The following PTPRN2 variants were observed in gnomAD, a reference collection of about 807,000 sequenced individuals.
The protein encoded by PTPRN2 is receptor-type tyrosine-protein phosphatase N2.
PTPRN2 carries 74 observed loss-of-function variants against 118.8 expected under a neutral mutation model. The ratio of observed to expected loss-of-function variants is 0.62; its 90% CI spans 0.52 to 0.76. The LOEUF is 0.76. Among genes scored for constraint, PTPRN2 ranks in the 30% least tolerant of loss-of-function variants. PTPRN2 has a pLI of 0.00. For missense variants in PTPRN2, 1,481 were observed against 1,394.4 expected (o/e 1.06, Z -0.99); for synonymous variants, 641 against 608.0 (o/e 1.05, Z -0.80).
intron 22 of PTPRN2, 116 bp downstream of exon 22, chr7:157,548,830 G>T: frequency 2.8e-6 from 3 of 1,079,822 alleles, no homozygotes; most frequent in South Asian, 1.3e-5. Flanking sequence ...GGTCAGAGCA[G>T]AGCAATCGGT....
intron 10 of PTPRN2, among the ~76,000 whole-genome samples, chr7:158,104,731 C>A: frequency 6.7e-6 from 1 of 148,986 alleles, no homozygotes; most frequent in Non-Finnish European, 1.5e-5. Flanking sequence ...TCCATCCCAG[C>A]TCCATCCTCA....
chr7:158,568,593 A>G (rs1003748694), intron 1 of PTPRN2, among the ~76,000 whole-genome samples: 1 of 152,196 alleles, frequency 6.6e-6, no homozygotes, highest in African/African-American at 2.4e-5. Context: ...GATTTATAAC[A>G]AATACTCTAA....
intron 4 of PTPRN2, among the ~76,000 whole-genome samples, chr7:158,199,057 C>A (rs1170328954): frequency 6.6e-6 from 1 of 152,020 alleles, no homozygotes; most frequent in Non-Finnish European, 1.5e-5. Flanking sequence ...TTAGCATGTT[C>A]TCAAGTTCTC....
intron 12 of PTPRN2, among the ~76,000 whole-genome samples, chr7:157,698,484 G>A (rs1797915643): frequency 6.6e-6 from 1 of 152,238 alleles, no homozygotes; most frequent in Non-Finnish European, 1.5e-5. Context: ...ATGTGTTTCA[G>A]CAAACATTTC....
At position 157,969,526 on chromosome 7, in the gene PTPRN2, C is replaced by T. The variant is rs368860672; in HGVS notation, c.1724-70789G>A. ...TGAGTGGGGAGCTGGGAGGTGGTGG[C>T]AGGCTGGGTGCTGCCTGGGTTTCAT... is the stretch of plus-strand genomic sequence containing the variant. On this transcript the variant is annotated intron_variant, in intron 11 of 22. Coordinates refer to ENST00000389418, the MANE Select transcript of PTPRN2 (RefSeq NM_002847.5). Among the ~76,000 whole-genome samples, 33 of 152,248 alleles carry T rather than the reference C, an allele frequency of 2.2e-4. No homozygotes were observed. The East Asian group carries it at 4.4e-3, about 21-fold the overall frequency.
chr7:158,136,750 G>A, intron 7 of PTPRN2, 55 bp from the exon 8 acceptor site: 15 of 1,564,696 alleles, frequency 9.6e-6, no homozygotes, highest in Non-Finnish European at 1.2e-5. Flanking sequence ...ATCACAGGGT[G>A]CCACAGACAT....
At chr7:157,607,322 G>A (rs1012095904) in intron 15 of PTPRN2, among the ~76,000 whole-genome samples, 2 of 152,236 alleles carry the variant, frequency 1.3e-5, no homozygotes, top group African/African-American at 2.4e-5. Context: ...GCTGGGCTGG[G>A]CCCGGTGCTG....
At chr7:158,485,617 G>T (rs138319886) in intron 2 of PTPRN2, among the ~76,000 whole-genome samples, 1,385 of 128,888 alleles carry the variant, frequency 0.011, 92 homozygotes, top group African/African-American at 0.037. Context: ...CGCCCCGCCT[G>T]CTCGGCCACC....
At chr7:158,173,831 A>G (rs951383765) in intron 5 of PTPRN2, among the ~76,000 whole-genome samples, 1 of 152,236 alleles carries the variant, frequency 6.6e-6, no homozygotes, top group African/African-American at 2.4e-5. Flanking sequence ...CTGCAAGAAG[A>G]AAAATAAGGC....
At chr7:157,645,829 A>T (rs1483826263) in intron 14 of PTPRN2, among the ~76,000 whole-genome samples, 1 of 152,144 alleles carries the variant, frequency 6.6e-6, no homozygotes, top group African/African-American at 2.4e-5. Context: ...AGTGGCTGTA[A>T]TGTCTTCATG....
rs1823451516 is a variant in PTPRN2, at chr7:158,515,186, TA to T, written c.113-25402del. Among the ~76,000 whole-genome samples, 6 of 137,354 alleles carry T rather than the reference TA, an allele frequency of 4.4e-5. No homozygotes were observed. In the South Asian group the frequency reaches 1.5e-3, roughly 33 times the overall value. The allele number at this position is 137,354 out of a possible 152,430, so 90.1% of individuals were successfully genotyped here. On this transcript the variant is annotated intron_variant, in intron 1 of 22. Coordinates refer to ENST00000389418, the MANE Select transcript of PTPRN2 (RefSeq NM_002847.5). Reference sequence around the variant, plus strand: ...GCTGGTGTTTCCCTCTCAGTGAGTGTATTTTTTTTTTTTTTTTGAGGCAGTG... The same window carrying T: ...GCTGGTGTTTCCCTCTCAGTGAGTGTTTTTTTTTTTTTTTTTGAGGCAGTG...
intron 1 of PTPRN2, among the ~76,000 whole-genome samples, chr7:158,568,428 G>C (rs1039269764): frequency 2.0e-5 from 3 of 151,452 alleles, no homozygotes; most frequent in Non-Finnish European, 4.4e-5. Context: ...AACATCACAT[G>C]CTTCCTTTTG....
At position 157,671,939 on chromosome 7, in the gene PTPRN2, A is replaced by G. The variant is rs979024095; in HGVS notation, c.2001+10786T>C. On this transcript the variant is annotated intron_variant, in intron 13 of 22. Transcript: ENST00000389418. This position sits in a 1 kb window ranked among gnomAD's most constrained non-coding sequence, Gnocchi z 4.1. ...GGGAGTTTCTAAAAGTCTACGCTGTACCCCAAGAAGGGGACGGGTGGGGCA... is the reference window on the plus strand; with the variant it reads ...GGGAGTTTCTAAAAGTCTACGCTGTGCCCCAAGAAGGGGACGGGTGGGGCA... 6.6e-6 allele frequency among the ~76,000 whole-genome samples: 1 copy of G among 151,886 alleles called. No homozygotes were observed. The highest frequency in any genetic ancestry group is 2.4e-5 in the African/African-American group (1 of 41,338).
Position 157,539,320 on chromosome 7 carries a change from C to T in PTPRN2, c.*1394G>A, listed in dbSNP as rs897578051. On this transcript the variant is annotated 3_prime_UTR_variant, in exon 23 of 23. Transcript: ENST00000389418. ...GCATCATTCTGTCCGCTCAGTAGGC[C>T]GTGTTCCCTCTGGTAGGGCCTTTGG... 2 of 152,150 alleles carry T rather than the reference C, an allele frequency of 1.3e-5. No individual in the cohort carries two copies. Among genetic ancestry groups the T allele is most frequent in the Non-Finnish European group, 2.9e-5 (2 of 68,022 alleles). 9.4% of individuals were successfully genotyped at this position (152,150 alleles called of 1,614,324 possible). A position where few individuals can be genotyped will look rare whatever the true frequency, so the allele number is the denominator to read the frequency against.
At chr7:158,255,683 C>T (rs893679943) in intron 3 of PTPRN2, among the ~76,000 whole-genome samples, 3 of 152,122 alleles carry the variant, frequency 2.0e-5, no homozygotes, top group Non-Finnish European at 4.4e-5. Context: ...ACTCCATTCC[C>T]GCTGGGGCTG....
intron 3 of PTPRN2, among the ~76,000 whole-genome samples, chr7:158,309,523 T>C (rs1398205285): frequency 6.6e-6 from 1 of 152,172 alleles, no homozygotes; most frequent in African/African-American, 2.4e-5. Flanking sequence ...ATCTATCCTA[T>C]TAGTTCTGTC....
At chr7:157,620,825 C>T (rs927413330) in intron 15 of PTPRN2, among the ~76,000 whole-genome samples, 59 of 152,286 alleles carry the variant, frequency 3.9e-4, no homozygotes, top group African/African-American at 9.1e-4. Flanking sequence ...GAAGGAGAAG[C>T]GGAGGGCTTT....
rs146891415 is a variant in PTPRN2, at chr7:158,044,916, A to T, written c.1723+36382T>A. 1.8e-3 allele frequency among the ~76,000 whole-genome samples: 273 copies of T among 152,346 alleles called. 1 individual carries two copies. Among genetic ancestry groups the T allele is most frequent in the African/African-American group, 6.3e-3 (263 of 41,576 alleles). The stretch of plus-strand genomic sequence containing the variant: ...AGGAGGAGCATCACAGACAGGAAAA[A>T]TTATAAACAGTGAAGGGCAGCCCCA... On this transcript the variant is annotated intron_variant, in intron 11 of 22. Coordinates refer to ENST00000389418, the MANE Select transcript of PTPRN2 (RefSeq NM_002847.5).
intron 1 of PTPRN2, among the ~76,000 whole-genome samples, chr7:158,506,941 C>T (rs527531202): frequency 2.6e-5 from 4 of 152,198 alleles, no homozygotes; most frequent in Non-Finnish European, 4.4e-5. Context: ...TGAAGGACAC[C>T]GCTCTGGTTC....
Sources: allele counts gnomAD v4.1 joint callset (sites outside exome capture counted in the v4.1 genomes callset), GRCh38; gene constraint gnomAD v4.1.1; non-coding constraint Gnocchi (gnomAD v3.1); transcripts MANE v1.5; gene names NCBI Gene and HGNC (gene_info 2026-07-23, HGNC 2026-07-21).